The following ATP8B1 variants were observed in gnomAD, a reference collection of about 807,000 sequenced individuals.
ATP8B1 encodes ATPase phospholipid transporting 8B1.
ATP8B1 carries 80 observed loss-of-function variants against 149.9 expected under a neutral mutation model. The observed-to-expected ratio is 0.53, with a 90% CI of 0.45 to 0.64. ATP8B1 has a LOEUF of 0.64. Among genes scored for constraint, ATP8B1 ranks in the 30% least tolerant of loss-of-function variants. The pLI, the probability that ATP8B1 is intolerant of heterozygous loss-of-function variation, is 0.00. For missense variants in ATP8B1, 1,247 were observed against 1,552.6 expected, an observed-to-expected ratio of 0.80 and a Z score of 3.31; for synonymous variants, 536 against 562.8, an observed-to-expected ratio of 0.95 and a Z score of 0.67.
At chr18:57,713,240 C>CTTTCTTTCTTTCT (rs1418593919) in intron 2 of ATP8B1, among the ~76,000 whole-genome samples, 5 of 65,150 alleles carry the variant, frequency 7.7e-5, no homozygotes, top group East Asian at 8.1e-4. Flanking sequence ...TCCTTCCTTC[C>CTTTCTTTCTTTCT]TTCTTTCTTT....
chr18:57,653,998 G>A lies in ATP8B1; in HGVS notation c.3009C>T (p.Leu1003=), dbSNP rs1294102897. 1.2e-6 allele frequency: 2 copies of A among 1,613,336 alleles called. No individual in the cohort carries two copies. Among genetic ancestry groups the A allele is most frequent in the African/African-American group, 1.3e-5 (1 of 74,840 alleles). ...GCTTGTGCGAGGCTCCTACCTGGTC[G>A]AGCAGCCCCATGAGGAGCACGGGCA... ...TSLPVLLMGL[L]DQDVSDKLSL... is the part of the protein sequence containing the mutation. Residue 1003 remains leucine (L), a synonymous_variant, in exon 24 of 28, where the codon CTC becomes CTT. Coordinates refer to ENST00000648908, the MANE Select transcript of ATP8B1 (RefSeq NM_001374385.1).
intron 2 of ATP8B1, among the ~76,000 whole-genome samples, chr18:57,728,016 G>GAAAA (rs2079725777): frequency 6.6e-6 from 1 of 152,124 alleles, no homozygotes; most frequent in Non-Finnish European, 1.5e-5. Flanking sequence ...CATTCTAACA[G>GAAAA]CATGTTTGTG....
chr18:57,697,441 C>T (rs373961490), intron 8 of ATP8B1, among the ~76,000 whole-genome samples, 177 bp downstream of exon 8: 4 of 152,008 alleles, frequency 2.6e-5, no homozygotes, highest in East Asian at 1.9e-4. Flanking sequence ...GGTGGAGAAA[C>T]GCAGGTAGTA....
At chr18:57,669,543 G>A in intron 17 of ATP8B1, 61 bp from the exon 18 acceptor site, 3 of 1,485,490 alleles carry the variant, frequency 2.0e-6, no homozygotes, top group Non-Finnish European at 2.8e-6. Context: ...TGTAATTCAG[G>A]ATCAAGTCTG....
chr18:57,701,143 T>C (rs1913099436), intron 5 of ATP8B1, 43 bp from the exon 6 acceptor site: 5 of 1,612,424 alleles, frequency 3.1e-6, no homozygotes, highest in South Asian at 2.2e-5. Context: ...AACATCTCAA[T>C]AGAGAAGGAA....
intron 16 of ATP8B1, among the ~76,000 whole-genome samples, chr18:57,672,186 T>C (rs1265250558): frequency 6.6e-6 from 1 of 152,234 alleles, no homozygotes; most frequent in Non-Finnish European, 1.5e-5. Context: ...CATGTTCTAG[T>C]TACTTTCTTT....
intron 1 of ATP8B1, among the ~76,000 whole-genome samples, chr18:57,772,246 T>C (rs888626859): frequency 2.6e-5 from 4 of 152,144 alleles, no homozygotes; most frequent in African/African-American, 7.2e-5. Context: ...TGAGTATTGC[T>C]AGCGGGAGAA....
At chr18:57,770,876 T>TGTTCTGTAACAGAGTCTC (rs1599220525) in intron 1 of ATP8B1, among the ~76,000 whole-genome samples, 1 of 152,370 alleles carries the variant, frequency 6.6e-6, no homozygotes, top group East Asian at 1.9e-4. Flanking sequence ...TTGTTTGTTT[T>TGTTCTGTAACAGAGTCTC]GTTCTGTAAC....
intron 2 of ATP8B1, chr18:57,731,407 T>G: frequency 4.4e-6 from 2 of 452,240 alleles, no homozygotes; most frequent in South Asian, 2.3e-5. Context: ...ATGTATTTTC[T>G]CTGCAGAACT....
chr18:57,664,247 C>T (rs1379311218), intron 20 of ATP8B1, among the ~76,000 whole-genome samples: 1 of 151,696 alleles, frequency 6.6e-6, no homozygotes, highest in Non-Finnish European at 1.5e-5. Context: ...TGGCTCACAC[C>T]TGTAATCCCA....
In ATP8B1 at chr18:57,646,594, C is replaced by T. The variant is rs1045806545; in HGVS notation, c.*1894G>A. On this transcript the variant is annotated 3_prime_UTR_variant, in exon 28 of 28. Transcript: ENST00000648908. ...CAACAGTATGTCTTTGACACATTTG[C>T]ATTGTCAATCTTTCCCACAATTTGC... 1.3e-5 allele frequency: 2 copies of T among 152,520 alleles called. No homozygotes were observed. Among genetic ancestry groups the T allele is most frequent in the Non-Finnish European group, 2.9e-5 (2 of 68,016 alleles). 9.4% of individuals were successfully genotyped at this position (152,520 alleles called of 1,614,324 possible).
At chr18:57,778,278 T>C (rs936883084) in intron 1 of ATP8B1, among the ~76,000 whole-genome samples, 4 of 149,226 alleles carry the variant, frequency 2.7e-5, no homozygotes, top group African/African-American at 1.0e-4. Flanking sequence ...CAGGCTGGAG[T>C]GCAGTGGTGC....
intron 3 of ATP8B1, among the ~76,000 whole-genome samples, chr18:57,705,392 A>G (rs1441143143): frequency 6.6e-6 from 1 of 152,214 alleles, no homozygotes; most frequent in East Asian, 1.9e-4. Context: ...CCTGCAAAAG[A>G]TATGTTCAGG....
At chr18:57,719,764 C>G (rs1272433866) in intron 2 of ATP8B1, among the ~76,000 whole-genome samples, 4 of 152,248 alleles carry the variant, frequency 2.6e-5, no homozygotes, top group Non-Finnish European at 5.9e-5. Context: ...CACCACAGCT[C>G]AGAGGCCTGC....
intron 1 of ATP8B1, among the ~76,000 whole-genome samples, chr18:57,767,324 A>T (rs946184061): frequency 1.3e-5 from 2 of 152,184 alleles, no homozygotes; most frequent in African/African-American, 4.8e-5. Flanking sequence ...TTTCCTCAGA[A>T]AGCCTTCTGC....
At chr18:57,695,029 C>CA (rs397960134) in intron 10 of ATP8B1, 142 bp downstream of exon 10, 25,249 of 276,996 alleles carry the variant, frequency 0.091, 2,170 homozygotes, top group African/African-American at 0.22. Context: ...GACTCTGTCT[C>CA]AAAAAAAAAA....
intron 14 of ATP8B1, 59 bp from the exon 15 acceptor site, chr18:57,684,251 T>C: frequency 6.5e-7 from 1 of 1,531,200 alleles, no homozygotes; most frequent in African/African-American, 1.4e-5. Flanking sequence ...ACTTAACAAA[T>C]GACATGAACT....
At chr18:57,753,571 C>T (rs192605889) in intron 1 of ATP8B1, among the ~76,000 whole-genome samples, 276 of 152,328 alleles carry the variant, frequency 1.8e-3, no homozygotes, top group Non-Finnish European at 3.4e-3. Context: ...CCATTGGCTC[C>T]ATCTTGAAAA....
rs11326847 is a variant in ATP8B1, at chr18:57,669,654, CTT to C, written c.1933-174_1933-173del. On this transcript the variant is annotated intron_variant, in intron 17 of 27. Transcript: ENST00000648908. ...ACTTTAGAGAGGGGATTAAATGTCA[CTT>C]TTTTTTTTTTTGAGACAAGGTCTGG... Among the ~76,000 whole-genome samples, 11,491 of 148,498 alleles carry C rather than the reference CTT, an allele frequency of 0.077. 815 individuals are homozygous for C. Among genetic ancestry groups the C allele is most frequent in the East Asian group, 0.2 (995 of 5,070 alleles).
Sources: gnomAD v4.1 joint callset for allele counts (sites outside exome capture counted in the v4.1 genomes callset) on GRCh38, gnomAD v4.1.1 for gene constraint, MANE v1.5 for transcripts, NCBI Gene and HGNC (gene_info 2026-07-23, HGNC 2026-07-21) for gene names.